The following KCNK1 variants were observed in gnomAD, a reference collection of about 807,000 sequenced individuals.
KCNK1 encodes the protein potassium channel subfamily K member 1.
KCNK1 carries 10 observed loss-of-function variants against 22.2 expected under a neutral mutation model. That is an observed-to-expected ratio of 0.45 (90% CI 0.28 to 0.76). The LOEUF (loss-of-function observed/expected upper bound fraction) is 0.76. Ranked by LOEUF, KCNK1 falls within the 30% of genes least tolerant of loss-of-function variation. The probability of loss-of-function intolerance (pLI) is 0.14; values close to 1 mark genes in which losing one functional copy is unlikely to be tolerated. For synonymous variants in KCNK1, 200 were observed against 186.4 expected, an observed-to-expected ratio of 1.07 and a Z score of -0.60; for missense variants, 378 against 421.0, an observed-to-expected ratio of 0.90 and a Z score of 0.89.
intron 1 of KCNK1, among the ~76,000 whole-genome samples, chr1:233,626,165 A>AG (rs1286835941): frequency 1.3e-5 from 2 of 151,930 alleles, no homozygotes; most frequent in Non-Finnish European, 1.5e-5. Context: ...GGTGATGAGA[A>AG]GTGGTCAGAT....
chr1:233,614,425 C>T lies in KCNK1; in HGVS notation c.254C>T (p.Ala85Val), dbSNP rs1169967286. The change falls in exon 1 of 3, where the codon GCC becomes GTC. Residue 85 changes from alanine to valine, a missense_variant. Physicochemically the swap from Ala to Val is moderately conservative, Grantham distance 64. Coordinates refer to ENST00000366621, the MANE Select transcript of KCNK1 (RefSeq NM_002245.4). ...CAGTTCCTGGGCCGGGTGCTGGAGG[C>T]CAGCAACTACGGCGTGTCGGTGCTC... ...LEQFLGRVLE[A>V]SNYGVSVLSN... 1.2e-6 allele frequency: 2 copies of T among 1,613,140 alleles called. No individual in the cohort carries two copies. Among genetic ancestry groups the T allele is most frequent in the Non-Finnish European group, 1.7e-6 (2 of 1,179,680 alleles).
Position 233,671,281 on chromosome 1 carries a change from A to G in KCNK1, c.762A>G (p.Leu254=). 1 of 1,614,170 alleles carries G rather than the reference A, an allele frequency of 6.2e-7. No individual in the cohort carries two copies. Among genetic ancestry groups the G allele is most frequent in the Non-Finnish European group, 8.5e-7 (1 of 1,179,976 alleles). The stretch of plus-strand genomic sequence containing the variant: ...CTGTTTCTCACACAGGTTACCTGCT[A>G]CTTGGCCTTATTGCCATGTTGGTAG... ...LYKIGITCYL[L]LGLIAMLVVL... The change falls in exon 3 of 3, where the codon CTA becomes CTG. Residue 254 remains leucine (L), a synonymous_variant. Transcript: ENST00000366621.
At chr1:233,614,621 ACCCCACCCC>A in intron 1 of KCNK1, 95 bp downstream of exon 1, 2 of 736,734 alleles carry the variant, frequency 2.7e-6, no homozygotes, top group Non-Finnish European at 3.7e-6. Context: ...TAACCCTCCC[ACCCCACCCC>A]CCACCTTTCG....
intron 1 of KCNK1, among the ~76,000 whole-genome samples, chr1:233,622,767 T>C (rs1441839059): frequency 1.3e-5 from 2 of 152,254 alleles, no homozygotes; most frequent in African/African-American, 4.8e-5. Context: ...CTGGTTTTCA[T>C]GTTTGCCTTC....
At chr1:233,667,544 C>A (rs1658517488) in intron 2 of KCNK1, among the ~76,000 whole-genome samples, 1 of 151,838 alleles carries the variant, frequency 6.6e-6, no homozygotes, top group Non-Finnish European at 1.5e-5. Flanking sequence ...TCCTGGCTAA[C>A]ACGGTGAAAC....
chr1:233,640,981 A>G (rs889702151), intron 1 of KCNK1, among the ~76,000 whole-genome samples: 4 of 152,170 alleles, frequency 2.6e-5, no homozygotes, highest in African/African-American at 9.7e-5. Context: ...CTGGGATTAT[A>G]GGTGTGAGCC....
intron 1 of KCNK1, among the ~76,000 whole-genome samples, chr1:233,654,613 A>T: frequency 6.6e-6 from 1 of 152,196 alleles, no homozygotes; most frequent in East Asian, 1.9e-4. Flanking sequence ...CACCCTAGCC[A>T]TATTATGAAG....
At chr1:233,654,160 G>T (rs752628913) in intron 1 of KCNK1, among the ~76,000 whole-genome samples, 1 of 151,896 alleles carries the variant, frequency 6.6e-6, no homozygotes, top group African/African-American at 2.4e-5. Flanking sequence ...AGAGGGAAAT[G>T]AGGACCATGT....
intron 1 of KCNK1, among the ~76,000 whole-genome samples, chr1:233,626,226 T>A (rs1206665867): frequency 6.6e-6 from 1 of 151,816 alleles, no homozygotes; most frequent in African/African-American, 2.4e-5. Flanking sequence ...ATGGATTGGA[T>A]GTGAGGGGTA....
intron 1 of KCNK1, among the ~76,000 whole-genome samples, chr1:233,634,485 A>G (rs1025763067): frequency 2.0e-5 from 3 of 152,160 alleles, no homozygotes; most frequent in East Asian, 1.9e-4. Flanking sequence ...AGGCCAGAAA[A>G]TGTATCAATA....
chr1:233,670,784 A>G (rs1394492640), intron 2 of KCNK1, among the ~76,000 whole-genome samples: 2 of 152,238 alleles, frequency 1.3e-5, no homozygotes, highest in African/African-American at 4.8e-5. Flanking sequence ...AATTTCTATT[A>G]TAAACTCTTA....
chr1:233,614,541 G>T lies in KCNK1; in HGVS notation c.355+15G>T. 1.3e-6 allele frequency: 2 copies of T among 1,539,866 alleles called. No individual in the cohort carries two copies. The highest frequency in any genetic ancestry group is 1.8e-6 in the Non-Finnish European group (2 of 1,138,902). On this transcript the variant is annotated intron_variant, in intron 1 of 2. Transcript: ENST00000366621. ...CTCCACCACAGGTAGGGTATCCTGC[G>T]CGCCCCCTGGCCGCCCCGGCCACCT...
intron 1 of KCNK1, chr1:233,629,644 G>A (rs1374220653): frequency 6.6e-6 from 1 of 152,188 alleles, no homozygotes; most frequent in Non-Finnish European, 1.5e-5. Flanking sequence ...TTAAAACAGG[G>A]AAAGCCGGAG....
chr1:233,638,988 T>C lies in KCNK1; in HGVS notation c.355+24462T>C, dbSNP rs78707074. 8.9e-3 allele frequency among the ~76,000 whole-genome samples: 1,357 copies of C among 152,298 alleles called. 64 individuals are homozygous for C. The highest frequency in any genetic ancestry group is 0.079 in the Admixed American group (1,216 of 15,300). On this transcript the variant is annotated intron_variant, in intron 1 of 2. Coordinates refer to ENST00000366621, the MANE Select transcript of KCNK1 (RefSeq NM_002245.4). ...GAAAATTAAAAAATAAGCCTAGGGA[T>C]GATTAGGTTCCTCTGATCCAAGTCT...
At chr1:233,631,078 T>C (rs1333505871) in intron 1 of KCNK1, among the ~76,000 whole-genome samples, 3 of 152,210 alleles carry the variant, frequency 2.0e-5, no homozygotes, top group Non-Finnish European at 4.4e-5. Flanking sequence ...AGCCCTATAA[T>C]AATGTCACCC....
At position 233,614,230 on chromosome 1, in the gene KCNK1, C is replaced by T; in HGVS notation, c.59C>T (p.Ala20Val). ...CGCCTGGTGGAGCGGCACCGCTCGG[C>T]CTGGTGCTTCGGCTTCCTGGTGCTG... ...CVRLVERHRSAWCFGFLVLGY... is the reference protein window; with the variant it reads ...CVRLVERHRSVWCFGFLVLGY... Residue 20 changes from alanine (A) to valine (V), a missense_variant, in exon 1 of 3, where the codon GCC (alanine) becomes GTC (valine). Ala to Val is a moderately conservative substitution (Grantham distance 64). Coordinates refer to ENST00000366621, the MANE Select transcript of KCNK1 (RefSeq NM_002245.4). 1 of 1,612,192 alleles carries T rather than the reference C, an allele frequency of 6.2e-7. No individual in the cohort carries two copies. Among genetic ancestry groups the T allele is most frequent in the Non-Finnish European group, 8.5e-7 (1 of 1,179,870 alleles).
chr1:233,627,891 T>C (rs2102886302), intron 1 of KCNK1, among the ~76,000 whole-genome samples: 1 of 152,386 alleles, frequency 6.6e-6, no homozygotes, highest in East Asian at 1.9e-4. Context: ...TCAGCAACTC[T>C]GGTGGAACAC....
chr1:233,649,517 C>T (rs1300572446), intron 1 of KCNK1, among the ~76,000 whole-genome samples: 1 of 152,138 alleles, frequency 6.6e-6, no homozygotes, highest in Non-Finnish European at 1.5e-5. Flanking sequence ...TAACAAATTA[C>T]CTTAGACTGA....
At chr1:233,644,333 C>T (rs1658053034) in intron 1 of KCNK1, among the ~76,000 whole-genome samples, 1 of 152,174 alleles carries the variant, frequency 6.6e-6, no homozygotes, top group South Asian at 2.1e-4. Flanking sequence ...CACGGTCAGA[C>T]CATAGTACCT....
Sources: allele counts gnomAD v4.1 joint callset (sites outside exome capture counted in the v4.1 genomes callset), GRCh38; gene constraint gnomAD v4.1.1; transcripts MANE v1.5; gene names NCBI Gene and HGNC (gene_info 2026-07-23, HGNC 2026-07-21).